ALCAM: variants seen among roughly 807,000 people sequenced by gnomAD.
ALCAM encodes the protein CD166 antigen.
ALCAM carries 30 observed loss-of-function variants against 70.9 expected under a neutral mutation model. That is an observed-to-expected ratio of 0.42 (90% CI 0.32 to 0.57). ALCAM has a LOEUF of 0.57. ALCAM is among the 20% of genes least tolerant of loss of function. The pLI, the probability that ALCAM is intolerant of heterozygous loss-of-function variation, is 0.11. For missense variants in ALCAM, 591 were observed against 695.1 expected (o/e 0.85, Z 1.68); for synonymous variants, 249 against 242.5 (o/e 1.03, Z -0.25).
chr3:105,368,564 TA>T (rs1935142477), intron 1 of ALCAM, among the ~76,000 whole-genome samples: 1 of 152,212 alleles, frequency 6.6e-6, no homozygotes, highest in Admixed American at 6.5e-5. Context: ...GCTTTTTCTT[TA>T]GCTTTTATCA....
At chr3:105,407,129 C>T (rs1250213080) in intron 1 of ALCAM, among the ~76,000 whole-genome samples, 1 of 151,998 alleles carries the variant, frequency 6.6e-6, no homozygotes, top group Non-Finnish European at 1.5e-5. Flanking sequence ...ATTAGACATT[C>T]AAAGAATTGG....
chr3:105,404,557 C>T (rs1270855283), intron 1 of ALCAM, among the ~76,000 whole-genome samples: 1 of 151,972 alleles, frequency 6.6e-6, no homozygotes, highest in African/African-American at 2.4e-5. Context: ...CACTACCAAG[C>T]CAGCACTACA....
chr3:105,389,371 GT>G (rs371987714), intron 1 of ALCAM, among the ~76,000 whole-genome samples: 14 of 58,192 alleles, frequency 2.4e-4, no homozygotes, highest in African/African-American at 7.8e-4. Flanking sequence ...TATATACATA[GT>G]TTTTTTTTTT....
At chr3:105,370,993 C>T (rs1935214837) in intron 1 of ALCAM, among the ~76,000 whole-genome samples, 1 of 152,098 alleles carries the variant, frequency 6.6e-6, no homozygotes, top group South Asian at 2.1e-4. Context: ...GTTGTAAATG[C>T]AAGACAGAAG....
At chr3:105,384,437 C>A (rs1475976895) in intron 1 of ALCAM, among the ~76,000 whole-genome samples, 1 of 151,224 alleles carries the variant, frequency 6.6e-6, no homozygotes, top group Non-Finnish European at 1.5e-5. Context: ...TGTTTTATTT[C>A]CTTACTTTAC....
intron 1 of ALCAM, among the ~76,000 whole-genome samples, chr3:105,466,893 T>A (rs1336358315): frequency 1.3e-5 from 2 of 151,272 alleles, no homozygotes; most frequent in Non-Finnish European, 3.0e-5. Context: ...TCACACAGGG[T>A]GAGCAGACTC....
At chr3:105,375,049 T>G (rs1015974003) in intron 1 of ALCAM, among the ~76,000 whole-genome samples, 33 of 152,210 alleles carry the variant, frequency 2.2e-4, no homozygotes, top group African/African-American at 7.7e-4. Flanking sequence ...AAATTCAGCT[T>G]GTTTGTGGTA....
chr3:105,369,421 T>C (rs1160301761), intron 1 of ALCAM, among the ~76,000 whole-genome samples: 1 of 152,228 alleles, frequency 6.6e-6, no homozygotes, highest in African/African-American at 2.4e-5. Context: ...CCAGCCACCG[T>C]GAATCTGAGG....
At chr3:105,394,794 C>T (rs1935908246) in intron 1 of ALCAM, among the ~76,000 whole-genome samples, 2 of 151,834 alleles carry the variant, frequency 1.3e-5, no homozygotes, top group South Asian at 4.1e-4. Context: ...TAACTGCAGC[C>T]ATAAAACAAG....
intron 1 of ALCAM, among the ~76,000 whole-genome samples, chr3:105,381,717 A>T (rs1935525301): frequency 6.6e-6 from 1 of 151,772 alleles, no homozygotes; most frequent in Non-Finnish European, 1.5e-5. Flanking sequence ...AAAGACATTT[A>T]TGTAGACTCT....
chr3:105,428,557 A>G (rs1028156837), intron 1 of ALCAM, among the ~76,000 whole-genome samples: 2 of 151,928 alleles, frequency 1.3e-5, no homozygotes, highest in Admixed American at 1.3e-4. Flanking sequence ...AGGAAACTAG[A>G]TATTGAGCAA....
intron 2 of ALCAM, among the ~76,000 whole-genome samples, chr3:105,520,673 A>T (rs906158524): frequency 2.6e-5 from 4 of 151,790 alleles, no homozygotes; most frequent in Non-Finnish European, 5.9e-5. Flanking sequence ...AACGGTGTTG[A>T]TTTTTTCCCA....
intron 14 of ALCAM, among the ~76,000 whole-genome samples, chr3:105,570,152 CAAT>C (rs1281909199): frequency 6.6e-6 from 1 of 151,810 alleles, no homozygotes; most frequent in African/African-American, 2.4e-5. Context: ...AAAATACAAT[CAAT>C]AATCTAGAGA....
At chr3:105,488,047 G>A (rs559857040) in intron 1 of ALCAM, among the ~76,000 whole-genome samples, 128 of 152,172 alleles carry the variant, frequency 8.4e-4, no homozygotes, top group Non-Finnish European at 1.4e-3. Context: ...TGGGGATTGG[G>A]GGCTGTGAGT....
intron 14 of ALCAM, among the ~76,000 whole-genome samples, chr3:105,565,155 G>GA (rs1184593423): frequency 1.3e-5 from 2 of 152,040 alleles, no homozygotes; most frequent in African/African-American, 4.8e-5. Context: ...CATCTCTGGA[G>GA]AAAAAAGAAG....
At chr3:105,455,302 C>A (rs1401398837) in intron 1 of ALCAM, among the ~76,000 whole-genome samples, 1 of 151,516 alleles carries the variant, frequency 6.6e-6, no homozygotes, top group East Asian at 2.0e-4. Flanking sequence ...ATTAGCCGGG[C>A]GTGGTGGCGG....
At chr3:105,404,357 G>A (rs891029341) in intron 1 of ALCAM, among the ~76,000 whole-genome samples, 14 of 152,052 alleles carry the variant, frequency 9.2e-5, no homozygotes, top group African/African-American at 3.1e-4. Flanking sequence ...AACCTACAAA[G>A]GAAAACCTAT....
intron 11 of ALCAM, among the ~76,000 whole-genome samples, chr3:105,548,877 A>C (rs1940317823): frequency 6.6e-6 from 1 of 151,472 alleles, no homozygotes; most frequent in African/African-American, 2.4e-5. Context: ...TTTGCTCTCT[A>C]GTTCAATTAA....
intron 1 of ALCAM, among the ~76,000 whole-genome samples, chr3:105,438,352 C>T (rs1035308421): frequency 6.6e-6 from 1 of 152,066 alleles, no homozygotes; most frequent in South Asian, 2.1e-4. Context: ...TGGCATTTTA[C>T]TTACTTATCT....
Sources: gnomAD v4.1 joint callset for allele counts (sites outside exome capture counted in the v4.1 genomes callset) on GRCh38, gnomAD v4.1.1 for gene constraint, MANE v1.5 for transcripts, NCBI Gene and HGNC (gene_info 2026-07-23, HGNC 2026-07-21) for gene names.